Variants in UVRAG observed in about 807,000 individuals in gnomAD.
The protein encoded by UVRAG is UV radiation resistance-associated gene protein.
A neutral mutation model predicts 78.0 loss-of-function variants in UVRAG; 19 were observed. That is an observed-to-expected ratio of 0.24 (90% CI 0.17 to 0.36). The LOEUF is 0.36. Among genes scored for constraint, UVRAG ranks in the 10% least tolerant of loss-of-function variants. UVRAG has a pLI of 1.00. For synonymous variants in UVRAG, 323 were observed against 324.6 expected (o/e 1.00, Z 0.05); for missense variants, 740 against 853.8 (o/e 0.87, Z 1.66).
intron 14 of UVRAG, among the ~76,000 whole-genome samples, chr11:76,136,690 G>T (rs1167053996): frequency 6.6e-6 from 1 of 151,812 alleles, no homozygotes; most frequent in East Asian, 1.9e-4. Flanking sequence ...TAGAGACAGG[G>T]TCTCCCTATG....
chr11:75,864,394 AG>A (rs1056819508), intron 3 of UVRAG, among the ~76,000 whole-genome samples: 1 of 152,028 alleles, frequency 6.6e-6, no homozygotes, highest in African/African-American at 2.4e-5. Context: ...CTTTTTTCTT[AG>A]CTTTTTGCTA....
At chr11:76,022,802 T>C (rs145967279) in intron 12 of UVRAG, among the ~76,000 whole-genome samples, 2 of 152,320 alleles carry the variant, frequency 1.3e-5, no homozygotes, top group Admixed American at 1.3e-4. Flanking sequence ...ACTTTGCTAT[T>C]TGTTTTCTGT....
chr11:75,958,073 T>G (rs997609292), intron 6 of UVRAG, among the ~76,000 whole-genome samples: 5 of 152,242 alleles, frequency 3.3e-5, no homozygotes, highest in African/African-American at 1.2e-4. Flanking sequence ...TGCTAAAAAA[T>G]GCTAACGATC....
intron 13 of UVRAG, among the ~76,000 whole-genome samples, chr11:76,090,288 C>A (rs1469360131): frequency 1.3e-5 from 2 of 152,118 alleles, no homozygotes; most frequent in Admixed American, 1.3e-4. Flanking sequence ...AAGTCTCTAC[C>A]CCAAAGTGAG....
chr11:76,141,503 A>C lies in UVRAG; in HGVS notation c.*90A>C. ...TAACCCTTTGTGATAATGATGACACAAAATGAATATTAATGGAGGATATTC... is the reference window on the plus strand; with the variant it reads ...TAACCCTTTGTGATAATGATGACACCAAATGAATATTAATGGAGGATATTC... On this transcript the variant is annotated 3_prime_UTR_variant, in exon 15 of 15. Coordinates refer to ENST00000356136, the MANE Select transcript of UVRAG (RefSeq NM_003369.4). The C allele has an allele frequency of 8.0e-7, 1 of 1,255,558 alleles. No homozygotes were observed. 77.8% of individuals were successfully genotyped at this position (1,255,558 alleles called of 1,614,324 possible). A position where few individuals can be genotyped will look rare whatever the true frequency, so the allele number is the denominator to read the frequency against.
chr11:76,056,395 T>C (rs916732129), intron 12 of UVRAG, among the ~76,000 whole-genome samples: 19 of 152,222 alleles, frequency 1.2e-4, no homozygotes, highest in Non-Finnish European at 2.9e-5. Context: ...ATAGGATAAG[T>C]GTATGTTTAG....
At chr11:76,004,407 G>GT (rs1218604333) in intron 9 of UVRAG, among the ~76,000 whole-genome samples, 2 of 151,376 alleles carry the variant, frequency 1.3e-5, no homozygotes, top group Non-Finnish European at 1.5e-5. Flanking sequence ...TAGCTTATAG[G>GT]TTTTTTTTCA....
At chr11:75,833,275 A>G (rs1489276888) in intron 1 of UVRAG, among the ~76,000 whole-genome samples, 1 of 152,138 alleles carries the variant, frequency 6.6e-6, no homozygotes, top group Non-Finnish European at 1.5e-5. Context: ...AAGTTAGGCA[A>G]TCTGGAAGTT....
Position 75,865,179 on chromosome 11 carries a change from C to T in UVRAG, c.270+3399C>T, listed in dbSNP as rs191385150. Among the ~76,000 whole-genome samples, 514 of 147,586 alleles carry T rather than the reference C, an allele frequency of 3.5e-3. 15 individuals are homozygous for T. The highest frequency in any genetic ancestry group is 0.029 in the Admixed American group (417 of 14,626). ...GCACATGCCTGTAATCTCAGCTACT[C>T]GGGAGGCTGAGGCAGGAGAATTGCT... On this transcript the variant is annotated intron_variant, in intron 3 of 14. Coordinates refer to ENST00000356136, the MANE Select transcript of UVRAG (RefSeq NM_003369.4).
intron 6 of UVRAG, among the ~76,000 whole-genome samples, chr11:75,944,985 T>C (rs1948561283): frequency 6.6e-6 from 1 of 152,144 alleles, no homozygotes; most frequent in East Asian, 1.9e-4. Flanking sequence ...GGTTATTAAA[T>C]TGATAGACAT....
intron 14 of UVRAG, chr11:76,137,722 G>C: frequency 3.4e-6 from 1 of 294,936 alleles, no homozygotes; most frequent in South Asian, 3.3e-5. Flanking sequence ...AAGATGATGA[G>C]ATCCTGTCTC....
At chr11:75,858,164 GTA>G (rs1426225863) in intron 2 of UVRAG, among the ~76,000 whole-genome samples, 11 of 151,086 alleles carry the variant, frequency 7.3e-5, no homozygotes, top group South Asian at 2.1e-4. Context: ...ATATATATGT[GTA>G]TATATATATA....
At chr11:76,027,696 G>A (rs758301832) in intron 12 of UVRAG, among the ~76,000 whole-genome samples, 3 of 152,124 alleles carry the variant, frequency 2.0e-5, no homozygotes, top group Non-Finnish European at 2.9e-5. Flanking sequence ...TTATGTATAC[G>A]TTGAGCTTTG....
At chr11:76,126,808 A>G (rs940738231) in intron 14 of UVRAG, among the ~76,000 whole-genome samples, 2 of 152,196 alleles carry the variant, frequency 1.3e-5, no homozygotes, top group Non-Finnish European at 2.9e-5. Flanking sequence ...CCAGAAATAA[A>G]GACTAGATCC....
At position 75,934,020 on chromosome 11, in the gene UVRAG, G is replaced by T. The variant is rs531644311; in HGVS notation, c.593+21981G>T. 3.3e-5 allele frequency among the ~76,000 whole-genome samples: 5 copies of T among 152,224 alleles called. No individual in the cohort carries two copies. The South Asian group carries it at 1.0e-3, about 32-fold the overall frequency. ...TGCTGGGCATATAGCCAAAAGAAAG[G>T]AAATCAGTTTATCAAAGAGATACCT... On this transcript the variant is annotated intron_variant, in intron 6 of 14. Transcript: ENST00000356136.
chr11:76,139,133 A>C (rs925223879), intron 14 of UVRAG, among the ~76,000 whole-genome samples: 3 of 152,298 alleles, frequency 2.0e-5, no homozygotes, highest in African/African-American at 7.2e-5. Context: ...ACAGCCAGGC[A>C]GAGGAGTCTG....
At chr11:75,989,557 A>G (rs892304793) in intron 8 of UVRAG, among the ~76,000 whole-genome samples, 3 of 152,216 alleles carry the variant, frequency 2.0e-5, no homozygotes, top group Non-Finnish European at 4.4e-5. Context: ...AGTGGGAGGA[A>G]AATCTGATGT....
chr11:75,824,057 A>G (rs1945458376), intron 1 of UVRAG, among the ~76,000 whole-genome samples: 1 of 152,074 alleles, frequency 6.6e-6, no homozygotes, highest in African/African-American at 2.4e-5. Context: ...TCATTTTTCT[A>G]TTACTAAAAA....
chr11:76,095,338 A>G (rs376444200), intron 13 of UVRAG, among the ~76,000 whole-genome samples: 2 of 152,092 alleles, frequency 1.3e-5, no homozygotes, highest in South Asian at 2.1e-4. Context: ...AACTTTTTCA[A>G]TTCTGCTAAA....
Sources: allele counts gnomAD v4.1 joint callset (sites outside exome capture counted in the v4.1 genomes callset), GRCh38; gene constraint gnomAD v4.1.1; transcripts MANE v1.5; gene names NCBI Gene and HGNC (gene_info 2026-07-23, HGNC 2026-07-21).